The following TTN variants were observed in gnomAD, a reference collection of about 807,000 sequenced individuals.
TTN encodes connectin.
Under a neutral mutation model 3,223.0 loss-of-function variants are expected in TTN, and 1,525 were observed. The ratio of observed to expected loss-of-function variants is 0.47; its 90% CI spans 0.45 to 0.49. The LOEUF (loss-of-function observed/expected upper bound fraction) is 0.49. Among genes scored for constraint, TTN ranks in the 20% least tolerant of loss-of-function variants. The pLI is 0.00. For missense variants in TTN, 40,786 were observed against 43,424.0 expected (o/e 0.94, Z 5.40); for synonymous variants, 14,094 against 15,161.0 (o/e 0.93, Z 5.17).
At chr2:178,580,678 T>C in intron 316 of TTN, 69 bp from the exon 317 acceptor site, 1 of 1,405,640 alleles carries the variant, frequency 7.1e-7, no homozygotes, top group Non-Finnish European at 9.7e-7. Context: ...GGACTGGCCT[T>C]GTCACTCCTA....
chr2:178,679,682 A>G lies in TTN; in HGVS notation c.33581T>C (p.Val11194Ala). The G allele has an allele frequency of 2.5e-6, 4 of 1,605,706 alleles. No individual in the cohort carries two copies. The highest frequency in any genetic ancestry group is 3.4e-6 in the Non-Finnish European group (4 of 1,177,300). Reference protein sequence around the residue: ...EEVVPVIPVKVPEVPRKPVPE... With the variant: ...EEVVPVIPVKAPEVPRKPVPE... Reference sequence around the variant, plus strand: ...AACAGGTTTCCTGGGTACCTCAGGCACTTTAAAGATATTATTAAGAATGTT... The same window carrying G: ...AACAGGTTTCCTGGGTACCTCAGGCGCTTTAAAGATATTATTAAGAATGTT... Residue 11194 changes from valine (V) to alanine (A), a missense_variant and splice_region_variant, in exon 141 of 363, where the codon GTG (valine) becomes GCG (alanine). Coordinates refer to ENST00000589042, the MANE Select transcript of TTN (RefSeq NM_001267550.2).
intron 159 of TTN, among the ~76,000 whole-genome samples, chr2:178,668,895 G>A (rs763036264): frequency 7.3e-5 from 11 of 150,776 alleles, no homozygotes; most frequent in South Asian, 4.2e-4. Flanking sequence ...AAAAAAGGTC[G>A]TGAGAATTCT....
Position 178,714,123 on chromosome 2 carries a change from G to A in TTN, c.26535C>T (p.Asp8845=). The change falls in exon 92 of 363, where the codon GAC becomes GAT. Residue 8845 remains aspartate (D), a synonymous_variant. Coordinates refer to ENST00000589042, the MANE Select transcript of TTN (RefSeq NM_001267550.2). ...CTACTGTACACTCCAAGGTACAGGT[G>A]TCTCCCGTGGTAACTTTTATGGATT... ...KPESIKVTTG[D]TCTLECTVAG... 6.2e-7 allele frequency: 1 copy of A among 1,613,672 alleles called. No homozygotes were observed. The highest frequency in any genetic ancestry group is 2.2e-5 in the East Asian group (1 of 44,866).
rs528627735 is a variant in TTN at position 178,719,433 on chromosome 2, G to A, written c.23957C>T (p.Ser7986Phe). The A allele has an allele frequency of 3.8e-5, 62 of 1,612,746 alleles. 2 individuals carry two copies. In the South Asian group the frequency reaches 6.0e-4, roughly 16 times the overall value. The change falls in exon 83 of 363, where the codon TCC (serine) becomes TTC (phenylalanine). Residue 7986 changes from serine (S) to phenylalanine (F), a missense_variant. Physicochemically the swap from Ser to Phe is radical, Grantham distance 155. Transcript: ENST00000589042. ...CACGTCTTTCAGCTTGCGGATGAAG[G>A]AAGGAGGCACAATCCGATCTATGTG... ...VHVSDRIVPP[S>F]FIRKLKDVNA...
intron 43 of TTN, among the ~76,000 whole-genome samples, chr2:178,761,429 C>G (rs1380771474): frequency 6.6e-6 from 1 of 152,190 alleles, no homozygotes; most frequent in Admixed American, 6.5e-5. Flanking sequence ...TATTATCCAG[C>G]CTTCTTACCC....
In TTN at chr2:178,537,197, C is replaced by T; in HGVS notation, c.99912G>A (p.Leu33304=). 6.2e-7 allele frequency: 1 copy of T among 1,611,872 alleles called. No homozygotes were observed. The highest frequency in any genetic ancestry group is 8.5e-7 in the Non-Finnish European group (1 of 1,178,312). Residue 33304 remains leucine, a synonymous_variant, in exon 356 of 363, where the codon TTG becomes TTA. Coordinates refer to ENST00000589042, the MANE Select transcript of TTN (RefSeq NM_001267550.2). The part of the protein sequence containing the change: ...PTGPIVIEAL[L]KNSAVISWKP... The stretch of plus-strand genomic sequence containing the variant: ...TCCAGCTGATCACTGCGGAGTTCTT[C>T]AATAGAGCTTCGATCACAATTGGTC...
In TTN at chr2:178,724,003, T is replaced by C. The variant is rs777135698; in HGVS notation, c.21256A>G (p.Ser7086Gly). Residue 7086 changes from serine to glycine, a missense_variant, in exon 73 of 363, where the codon AGT becomes GGT. Transcript: ENST00000589042. ...AWFHEKTKIVSGAKYQTTFSD... is the reference protein window; with the variant it reads ...AWFHEKTKIVGGAKYQTTFSD... ...AATGTGGTTTGGTACTTTGCTCCAC[T>C]GACAATCTTGGTTTTCTCATGAAAC... 6 of 1,613,494 alleles carry C rather than the reference T, an allele frequency of 3.7e-6. No homozygotes were observed. In the African/African-American group the frequency reaches 4.0e-5, roughly 11 times the overall value.
chr2:178,778,717 A>G, intron 24 of TTN, 157 bp downstream of exon 24: 1 of 1,038,166 alleles, frequency 9.6e-7, no homozygotes, highest in East Asian at 2.6e-5. Flanking sequence ...CACAGGGGCA[A>G]GAAATAAAAA....
In TTN at chr2:178,542,255, T is replaced by C. The variant is rs1414855319; in HGVS notation, c.97492+9A>G. The stretch of plus-strand genomic sequence containing the variant: ...GTGGGGAGAGTGGTGGAAGGGCCTG[T>C]GGACTTACGGATGCTGCTGCGACAC... On this transcript the variant is annotated intron_variant, in intron 349 of 362. Coordinates refer to ENST00000589042, the MANE Select transcript of TTN (RefSeq NM_001267550.2). The C allele has an allele frequency of 1.2e-6, 2 of 1,600,464 alleles. No individual in the cohort carries two copies. Among genetic ancestry groups the C allele is most frequent in the Admixed American group, 3.4e-5 (2 of 58,988 alleles).
At position 178,546,795 on chromosome 2, in the gene TTN, G is replaced by A. The variant is rs202187398; in HGVS notation, c.94633C>T (p.Arg31545Cys). ...GSKVVGYIIE[R>C]KPVSEVGDGR... ...TCTCCTACCTCACTGACTGGCTTAC[G>A]CTCTATGATGTAGCCCACAACCTTG... Residue 31545 changes from arginine (R) to cysteine (C), a missense_variant, in exon 341 of 363, where the codon CGT (arginine) becomes TGT (cysteine). Coordinates refer to ENST00000589042, the MANE Select transcript of TTN (RefSeq NM_001267550.2). 1.3e-4 allele frequency: 214 copies of A among 1,613,510 alleles called. No homozygotes were observed. The highest frequency in any genetic ancestry group is 1.5e-4 in the Non-Finnish European group (173 of 1,179,690).
Position 178,531,496 on chromosome 2 carries a change from G to A in TTN, c.105119C>T (p.Ala35040Val). 1 of 1,613,902 alleles carries A rather than the reference G, an allele frequency of 6.2e-7. No individual in the cohort carries two copies. The highest frequency in any genetic ancestry group is 8.5e-7 in the Non-Finnish European group (1 of 1,179,894). ...DVTGGDYTTY[A>V]SQRRDEEVPR... is the part of the protein sequence containing the mutation. ...GACCTCTTCATCTCTGCGTTGGGAA[G>A]CATAGGTGGTATAATCCCCTCCTGT... The change falls in exon 358 of 363, where the codon GCT becomes GTT. Residue 35040 changes from alanine to valine, a missense_variant. Physicochemically the swap from Ala to Val is moderately conservative, Grantham distance 64. Coordinates refer to ENST00000589042, the MANE Select transcript of TTN (RefSeq NM_001267550.2).
In TTN at chr2:178,608,036, G is replaced by A. The variant is rs776113556; in HGVS notation, c.52751C>T (p.Thr17584Ile). The A allele has an allele frequency of 8.7e-6, 14 of 1,612,608 alleles. No individual in the cohort carries two copies. Among genetic ancestry groups the A allele is most frequent in the East Asian group, 2.2e-5 (1 of 44,588 alleles). Residue 17584 changes from threonine to isoleucine, a missense_variant, in exon 276 of 363, where the codon ACA becomes ATA. Thr to Ile is a moderately conservative substitution (Grantham distance 89). Transcript: ENST00000589042. Reference protein sequence around the residue: ...PIPRVTDTSSTTIELEWEPPA... With the variant: ...PIPRVTDTSSITIELEWEPPA... ...GGGTTCCCATTCTAGTTCAATAGTT[G>A]TAGAGCTTGTGTCAGTGACTCTTGG...
In TTN at chr2:178,650,184, G is replaced by C. The variant is rs1244743088; in HGVS notation, c.39797C>G (p.Pro13266Arg). ...KPVPVAEEEEPEVPPPAVPEE... is the reference protein window; with the variant it reads ...KPVPVAEEEEREVPPPAVPEE... ...TGTACCTGCTGGAGGTGGAACCTCT[G>C]GTTCCTCCTCTTCTGCAACAGGAAC... The change falls in exon 210 of 363, where the codon CCA (proline) becomes CGA (arginine). Residue 13266 changes from proline (P) to arginine (R), a missense_variant. Transcript: ENST00000589042. The C allele has an allele frequency of 6.3e-7, 1 of 1,587,826 alleles. No homozygotes were observed. The highest frequency in any genetic ancestry group is 8.6e-7 in the Non-Finnish European group (1 of 1,165,604).
chr2:178,714,498 A>G lies in TTN; in HGVS notation c.26276T>C (p.Ile8759Thr), dbSNP rs199918663. 2.3e-5 allele frequency: 37 copies of G among 1,613,306 alleles called. No homozygotes were observed. The East Asian group carries it at 6.5e-4, about 28-fold the overall frequency. Residue 8759 changes from isoleucine to threonine, a missense_variant, in exon 91 of 363, where the codon ATT becomes ACT. Ile to Thr is a moderately conservative substitution (Grantham distance 89). Transcript: ENST00000589042. ...CACTGAAATGGGTTCAGCGCCTTCAATGGTAGTCTGCAGCTGAACTTCTTT... is the reference window on the plus strand; with the variant it reads ...CACTGAAATGGGTTCAGCGCCTTCAGTGGTAGTCTGCAGCTGAACTTCTTT... ...VGKEVQLQTTIEGAEPISVVW... is the reference protein window; with the variant it reads ...VGKEVQLQTTTEGAEPISVVW...
In TTN at chr2:178,583,629, T is replaced by C. The variant is rs1575958516; in HGVS notation, c.65553A>G (p.Pro21851=). ...TACCATTTTCTGCGAGGATAGTCAC[T>C]GGATCAGAAGGTTCAGAAGGTGGGC... ...NISPPSEPSD[P]VTILAENVPP... The change falls in exon 312 of 363, where the codon CCA becomes CCG. Residue 21851 remains proline, a synonymous_variant. Transcript: ENST00000589042. 6.2e-7 allele frequency: 1 copy of C among 1,606,070 alleles called. No homozygotes were observed. Among genetic ancestry groups the C allele is most frequent in the Admixed American group, 1.7e-5 (1 of 59,542 alleles).
chr2:178,745,774 T>C, intron 47 of TTN: 1 of 1,613,156 alleles, frequency 6.2e-7, no homozygotes, highest in Non-Finnish European at 8.5e-7. Flanking sequence ...AAACCGTGGG[T>C]CTTGGAGAGC....
chr2:178,569,410 A>C lies in TTN; in HGVS notation c.76722T>G (p.Tyr25574Ter). ...TSLVLDNVNRYDSGKYTLTLE... is the reference protein window; with the variant it reads ...TSLVLDNVNR ...ATGTAAGCGTATATTTTCCACTATC[A>C]TATCGGTTGACATTGTCAAGAACAA... Residue 25574 changes from tyrosine to a stop codon, truncating the protein, a stop_gained, in exon 326 of 363, where the codon TAT becomes TAG. Coordinates refer to ENST00000589042, the MANE Select transcript of TTN (RefSeq NM_001267550.2). LOFTEE classifies it high-confidence loss of function. 6.2e-7 allele frequency: 1 copy of C among 1,613,300 alleles called. No homozygotes were observed. Among genetic ancestry groups the C allele is most frequent in the Non-Finnish European group, 8.5e-7 (1 of 1,179,578 alleles).
At chr2:178,695,765 A>C in intron 114 of TTN, 100 bp downstream of exon 114, 1 of 967,874 alleles carries the variant, frequency 1.0e-6, no homozygotes, top group East Asian at 2.9e-5. Context: ...CATTTTAACT[A>C]TTTCACATAA....
Position 178,704,381 on chromosome 2 carries a change from C to T in TTN, c.29989G>A (p.Asp9997Asn), listed in dbSNP as rs1287288966. 3 of 1,613,506 alleles carry T rather than the reference C, an allele frequency of 1.9e-6. No homozygotes were observed. The highest frequency in any genetic ancestry group is 2.5e-6 in the Non-Finnish European group (3 of 1,179,602). The change falls in exon 106 of 363, where the codon GAT (aspartate) becomes AAT (asparagine). Residue 9997 changes from aspartate to asparagine, a missense_variant. Physicochemically the swap from Asp to Asn is conservative, Grantham distance 23. Transcript: ENST00000589042. ...IEPAWERHLQ[D>N]VTLKEGQTCT... The stretch of plus-strand genomic sequence containing the variant: ...GTCTGGCCTTCTTTCAGAGTCACAT[C>T]CTGAAGATGCCGTTCCCATGCAGGC...
Sources: allele counts gnomAD v4.1 joint callset (sites outside exome capture counted in the v4.1 genomes callset), GRCh38; gene constraint gnomAD v4.1.1; transcripts MANE v1.5; gene names NCBI Gene and HGNC (gene_info 2026-07-23, HGNC 2026-07-21).